GPM6A: variants seen among roughly 807,000 people sequenced by gnomAD.
GPM6A encodes glycoprotein M6A, also known as neuronal membrane glycoprotein M6-a.
GPM6A carries 7 observed loss-of-function variants against 32.1 expected under a neutral mutation model. That is an observed-to-expected ratio of 0.22 (90% CI 0.12 to 0.41). The LOEUF is 0.41. Among genes scored for constraint, GPM6A ranks in the 10% least tolerant of loss-of-function variants. GPM6A has a pLI of 1.00. For missense variants in GPM6A, 235 were observed against 347.2 expected (o/e 0.68, Z 2.57); for synonymous variants, 130 against 123.4 (o/e 1.05, Z -0.35).
chr4:175,743,414 A>C (rs1229505607), intron 1 of GPM6A, among the ~76,000 whole-genome samples: 1 of 152,080 alleles, frequency 6.6e-6, no homozygotes, highest in Non-Finnish European at 1.5e-5. Flanking sequence ...AATACTAACA[A>C]ACTAATAAAG....
intron 1 of GPM6A, among the ~76,000 whole-genome samples, chr4:175,743,760 C>CAAAAATAATTGCT (rs1367028019): frequency 6.6e-6 from 1 of 151,594 alleles, no homozygotes; most frequent in Admixed American, 6.6e-5. Flanking sequence ...AACATTAAGA[C>CAAAAATAATTGCT]AAAAATAATT....
intron 1 of GPM6A, among the ~76,000 whole-genome samples, chr4:175,826,980 T>C (rs1735459239): frequency 1.3e-5 from 2 of 152,200 alleles, no homozygotes; most frequent in Admixed American, 1.3e-4. Context: ...ATTTAACACT[T>C]GTCTCACTGA....
intron 2 of GPM6A, among the ~76,000 whole-genome samples, chr4:175,674,968 C>T (rs969854234): frequency 2.0e-5 from 3 of 151,434 alleles, no homozygotes; most frequent in Non-Finnish European, 2.9e-5. Flanking sequence ...TAAAAATGTG[C>T]ACAGCCAGAA....
At chr4:175,922,043 G>T (rs1738684973) in intron 1 of GPM6A, among the ~76,000 whole-genome samples, 1 of 152,160 alleles carries the variant, frequency 6.6e-6, no homozygotes, top group Non-Finnish European at 1.5e-5. Context: ...AGAGAGATGA[G>T]CTTAAATCCT....
chr4:175,702,170 CT>C (rs1338719266), intron 1 of GPM6A, among the ~76,000 whole-genome samples: 2 of 152,020 alleles, frequency 1.3e-5, no homozygotes, highest in Admixed American at 6.6e-5. Flanking sequence ...CTGCATTTTT[CT>C]TTTTTTGTAA....
chr4:175,691,008 A>T (rs1300256281), intron 2 of GPM6A, among the ~76,000 whole-genome samples: 1 of 152,248 alleles, frequency 6.6e-6, no homozygotes, highest in Admixed American at 6.5e-5. Flanking sequence ...CAAACATTTA[A>T]ATTATAATAA....
At chr4:175,881,379 C>G (rs1560977658) in intron 1 of GPM6A, among the ~76,000 whole-genome samples, 2 of 152,276 alleles carry the variant, frequency 1.3e-5, no homozygotes, top group African/African-American at 2.4e-5. Context: ...AATAGGAACA[C>G]TTTTACCCTG....
chr4:175,887,876 G>C (rs1201328295), intron 1 of GPM6A, among the ~76,000 whole-genome samples: 3 of 151,686 alleles, frequency 2.0e-5, no homozygotes, highest in Admixed American at 1.3e-4. Flanking sequence ...CAATAGCCAG[G>C]CCCAGATATT....
chr4:175,777,358 T>C (rs1733437358), intron 1 of GPM6A, among the ~76,000 whole-genome samples: 1 of 152,080 alleles, frequency 6.6e-6, no homozygotes, highest in African/African-American at 2.4e-5. Context: ...TTATTATTAT[T>C]ATAATACAGA....
chr4:175,909,650 A>C (rs1738250549), intron 1 of GPM6A, among the ~76,000 whole-genome samples: 1 of 152,186 alleles, frequency 6.6e-6, no homozygotes, highest in Admixed American at 6.5e-5. Context: ...AATGAAACAC[A>C]AGTACTAAAG....
intron 3 of GPM6A, among the ~76,000 whole-genome samples, chr4:175,655,808 G>A (rs61596210): frequency 0.06 from 9,130 of 151,994 alleles, 298 homozygotes; most frequent in South Asian, 0.12. Context: ...TGTAATTTGC[G>A]AGCTGGAAAT....
chr4:175,939,009 T>G (rs760204857), intron 1 of GPM6A, among the ~76,000 whole-genome samples: 5 of 152,186 alleles, frequency 3.3e-5, no homozygotes, highest in African/African-American at 4.8e-5. Context: ...GTAATTTAAA[T>G]GCTATCTAGT....
intron 1 of GPM6A, among the ~76,000 whole-genome samples, chr4:175,887,481 T>C (rs1737497291): frequency 6.6e-6 from 1 of 151,818 alleles, no homozygotes; most frequent in Non-Finnish European, 1.5e-5. Flanking sequence ...TCAAACAAAT[T>C]CACTTATTCT....
intron 1 of GPM6A, among the ~76,000 whole-genome samples, chr4:175,982,236 A>G (rs903503689): frequency 1.3e-5 from 2 of 152,182 alleles, no homozygotes; most frequent in African/African-American, 4.8e-5. Flanking sequence ...AAGACACAAA[A>G]TAAGTGTCTT....
chr4:175,892,417 G>T (rs577552333), intron 1 of GPM6A, among the ~76,000 whole-genome samples: 1 of 151,982 alleles, frequency 6.6e-6, no homozygotes, highest in Admixed American at 6.6e-5. Flanking sequence ...CCTTCAACTT[G>T]TAATTCATGT....
chr4:175,907,436 T>G (rs1738165903), intron 1 of GPM6A: 1 of 152,182 alleles, frequency 6.6e-6, no homozygotes, highest in South Asian at 2.1e-4. Context: ...TCTACATCTG[T>G]GTCCTCTGAT....
chr4:175,657,379 G>A (rs2333254), intron 3 of GPM6A, among the ~76,000 whole-genome samples: 1,797 of 152,216 alleles, frequency 0.012, 27 homozygotes, highest in African/African-American at 0.041. Flanking sequence ...AAGCAGCTCA[G>A]GCCTCTCTCA....
chr4:175,883,954 T>G lies in GPM6A; in HGVS notation c.-22-71705A>C, dbSNP rs552814269. 7.2e-5 allele frequency among the ~76,000 whole-genome samples: 11 copies of G among 152,328 alleles called. No homozygotes were observed. The South Asian group carries it at 1.5e-3, about 20-fold the overall frequency. On this transcript the variant is annotated intron_variant, in intron 1 of 7. Coordinates refer to the GPM6A transcript ENST00000280187. ...AATGTCCTATACATTGATTCATATTTGAAAATGTATAAAATTGATCTTACT... is the reference window on the plus strand; with the variant it reads ...AATGTCCTATACATTGATTCATATTGGAAAATGTATAAAATTGATCTTACT...
chr4:175,698,298 G>C (rs1252512205), intron 2 of GPM6A, among the ~76,000 whole-genome samples: 3 of 152,086 alleles, frequency 2.0e-5, no homozygotes, highest in Non-Finnish European at 4.4e-5. Flanking sequence ...GAGAACTATG[G>C]AGAAAAGAAA....
Sources: gnomAD v4.1 joint callset for allele counts (sites outside exome capture counted in the v4.1 genomes callset) on GRCh38, gnomAD v4.1.1 for gene constraint, MANE v1.5 for transcripts, NCBI Gene and HGNC (gene_info 2026-07-23, HGNC 2026-07-21) for gene names.